Variants in CAMK4 observed in about 807,000 individuals in gnomAD.
CAMK4 encodes the protein calcium/calmodulin-dependent protein kinase type IV.
In CAMK4, 22 loss-of-function variants were observed where a neutral mutation model predicts 44.9. The ratio of observed to expected loss-of-function variants is 0.49; its 90% CI spans 0.35 to 0.70. The LOEUF (loss-of-function observed/expected upper bound fraction) is 0.70, where lower values mean the gene tolerates loss of function less well. Among genes scored for constraint, CAMK4 ranks in the 30% least tolerant of loss-of-function variants. CAMK4 has a pLI of 0.01. For missense variants in CAMK4, 498 were observed against 586.8 expected (o/e 0.85, Z 1.56); for synonymous variants, 218 against 215.4 (o/e 1.01, Z -0.11).
intron 1 of CAMK4, among the ~76,000 whole-genome samples, chr5:111,241,288 A>C (rs1207211137): frequency 6.6e-6 from 1 of 151,986 alleles, no homozygotes; most frequent in Non-Finnish European, 1.5e-5. Flanking sequence ...CCTGTTTTTC[A>C]TTACCTTGAA....
At chr5:111,413,971 C>A (rs1752721500) in intron 5 of CAMK4, among the ~76,000 whole-genome samples, 1 of 151,734 alleles carries the variant, frequency 6.6e-6, no homozygotes, top group Non-Finnish European at 1.5e-5. Context: ...ATATAGATAA[C>A]TATTATAATG....
intron 4 of CAMK4, among the ~76,000 whole-genome samples, chr5:111,389,330 A>C (rs941420205): frequency 6.6e-6 from 1 of 152,204 alleles, no homozygotes; most frequent in African/African-American, 2.4e-5. Context: ...AGGTTTCAAC[A>C]TATGAATTTG....
chr5:111,430,476 G>A (rs1173903311), intron 5 of CAMK4, among the ~76,000 whole-genome samples: 1 of 152,162 alleles, frequency 6.6e-6, no homozygotes, highest in Non-Finnish European at 1.5e-5. Context: ...AATGAGACAA[G>A]AGAAAGATAT....
chr5:111,494,450 A>G lies in CAMK4; in HGVS notation c.*9984A>G, dbSNP rs1386021143. ...GAAAATGTTTGTAGAGAATTCATCA[A>G]AATCATGCCCATTTGCTGTTGTAGA... On this transcript the variant is annotated 3_prime_UTR_variant, in exon 11 of 11. Transcript: ENST00000282356. 1 of 152,134 alleles carries G rather than the reference A, an allele frequency of 6.6e-6. No homozygotes were observed. Among genetic ancestry groups the G allele is most frequent in the African/African-American group, 2.4e-5 (1 of 41,436 alleles). The allele number at this position is 152,134 out of a possible 1,614,324, so 9.4% of individuals were successfully genotyped here.
At chr5:111,242,128 T>C (rs1034526741) in intron 1 of CAMK4, among the ~76,000 whole-genome samples, 5 of 152,154 alleles carry the variant, frequency 3.3e-5, no homozygotes, top group Admixed American at 1.3e-4. Context: ...GTCCTGCTTG[T>C]GTAGCCCACC....
intron 1 of CAMK4, among the ~76,000 whole-genome samples, chr5:111,325,137 A>G (rs1255904068): frequency 6.6e-6 from 1 of 151,880 alleles, no homozygotes; most frequent in Non-Finnish European, 1.5e-5. Flanking sequence ...GCTGAAAATG[A>G]TAGCTTCCAG....
chr5:111,261,405 T>C (rs1014519874), intron 1 of CAMK4, among the ~76,000 whole-genome samples: 1 of 152,208 alleles, frequency 6.6e-6, no homozygotes, highest in African/African-American at 2.4e-5. Flanking sequence ...GCTGTCACCC[T>C]ATAGCAGCTG....
chr5:111,478,614 T>A, intron 9 of CAMK4, 107 bp downstream of exon 9: 1 of 488,474 alleles, frequency 2.0e-6, no homozygotes, highest in East Asian at 3.4e-5. Flanking sequence ...TGCCATATTT[T>A]CTTTCAATTT....
intron 5 of CAMK4, among the ~76,000 whole-genome samples, chr5:111,428,915 C>G (rs888337239): frequency 3.3e-5 from 5 of 152,054 alleles, no homozygotes; most frequent in African/African-American, 1.2e-4. Context: ...TATTCAAACT[C>G]CGAAAGGTCA....
intron 4 of CAMK4, among the ~76,000 whole-genome samples, chr5:111,381,637 G>C (rs113004097): frequency 0.11 from 17,212 of 152,120 alleles, 1,655 homozygotes; most frequent in African/African-American, 0.25. Flanking sequence ...CGCCCTCACA[G>C]ACACACCCAG....
chr5:111,480,078 C>G (rs560837999), intron 9 of CAMK4, among the ~76,000 whole-genome samples: 3 of 152,228 alleles, frequency 2.0e-5, no homozygotes, highest in African/African-American at 7.2e-5. Flanking sequence ...GCCTGCCACT[C>G]TCTCCTGTGC....
rs78414459 is a variant in CAMK4, at chr5:111,339,985, G to A, written c.162-4039G>A. 7.4e-3 allele frequency among the ~76,000 whole-genome samples: 1,120 copies of A among 150,626 alleles called. 14 individuals carry two copies. Among genetic ancestry groups the A allele is most frequent in the African/African-American group, 0.025 (1,048 of 41,250 alleles). ...TAAGTATTTTATATCTTTATCTATTGTAAATTGAATTATTTTCTTCATTTC... is the reference window on the plus strand; with the variant it reads ...TAAGTATTTTATATCTTTATCTATTATAAATTGAATTATTTTCTTCATTTC... On this transcript the variant is annotated intron_variant, in intron 1 of 10. Transcript: ENST00000282356.
intron 1 of CAMK4, among the ~76,000 whole-genome samples, chr5:111,225,003 T>C (rs896102591): frequency 2.6e-5 from 4 of 152,124 alleles, no homozygotes; most frequent in Non-Finnish European, 5.9e-5. Flanking sequence ...TGTCTAGTTA[T>C]TGTTTAGGGT....
intron 1 of CAMK4, among the ~76,000 whole-genome samples, chr5:111,236,497 G>C (rs1231145889): frequency 6.6e-6 from 1 of 152,242 alleles, no homozygotes; most frequent in Non-Finnish European, 1.5e-5. Flanking sequence ...CAGCCAGGTG[G>C]AGAGGAGCAG....
chr5:111,255,422 A>G (rs572114090), intron 1 of CAMK4, among the ~76,000 whole-genome samples: 5 of 152,230 alleles, frequency 3.3e-5, no homozygotes, highest in African/African-American at 1.2e-4. Flanking sequence ...CAGCAAGTTT[A>G]TTTTTGTGTG....
At chr5:111,416,491 G>T (rs1055822038) in intron 5 of CAMK4, 6 of 152,216 alleles carry the variant, frequency 3.9e-5, no homozygotes, top group Non-Finnish European at 7.3e-5. Flanking sequence ...ATAAGAAAGA[G>T]TTGTATGCTT....
chr5:111,334,949 A>G lies in CAMK4; in HGVS notation c.162-9075A>G, dbSNP rs187127554. Among the ~76,000 whole-genome samples the G allele has an allele frequency of 2.0e-5, 3 of 147,420 alleles. No homozygotes were observed. In the Admixed American group the frequency reaches 2.0e-4, roughly 10 times the overall value. On this transcript the variant is annotated intron_variant, in intron 1 of 10. Transcript: ENST00000282356. ...TTTCATCTCAAGATACCTCCCATTTAAAAAAAAAAGTGAAACTCTTTAATA... is the reference window on the plus strand; with the variant it reads ...TTTCATCTCAAGATACCTCCCATTTGAAAAAAAAAGTGAAACTCTTTAATA...
intron 2 of CAMK4, among the ~76,000 whole-genome samples, chr5:111,374,195 A>G (rs552753213): frequency 1.3e-5 from 2 of 152,278 alleles, no homozygotes; most frequent in East Asian, 1.9e-4. Flanking sequence ...TAACTCAGCA[A>G]TATTTTTTCC....
chr5:111,415,644 C>T lies in CAMK4; in HGVS notation c.459+20862C>T, dbSNP rs961263783. Among the ~76,000 whole-genome samples, 4 of 152,076 alleles carry T rather than the reference C, an allele frequency of 2.6e-5. No individual in the cohort carries two copies. The East Asian group carries it at 7.7e-4, about 29-fold the overall frequency. Reference sequence around the variant, plus strand: ...TCTACTGGAGGTCTTAGAATGTATTCCCCACAGATAAAGGGAACTAGTATG... The same window carrying T: ...TCTACTGGAGGTCTTAGAATGTATTTCCCACAGATAAAGGGAACTAGTATG... On this transcript the variant is annotated intron_variant, in intron 5 of 10. Coordinates refer to ENST00000282356, the MANE Select transcript of CAMK4 (RefSeq NM_001744.6).
Sources: allele counts gnomAD v4.1 joint callset (sites outside exome capture counted in the v4.1 genomes callset), GRCh38; gene constraint gnomAD v4.1.1; transcripts MANE v1.5; gene names NCBI Gene and HGNC (gene_info 2026-07-23, HGNC 2026-07-21).